Variants in DOCK1 observed in about 807,000 individuals in gnomAD.
DOCK1 encodes the protein dedicator of cytokinesis 1.
In DOCK1, 138 loss-of-function variants were observed where a neutral mutation model predicts 262.7. That is an observed-to-expected ratio of 0.53 (90% CI 0.46 to 0.61). The LOEUF (loss-of-function observed/expected upper bound fraction) is 0.61, where lower values mean the gene tolerates loss of function less well. DOCK1 is among the 20% of genes least tolerant of loss of function. The pLI, the probability that DOCK1 is intolerant of heterozygous loss-of-function variation, is 0.00. For missense variants in DOCK1, 1,908 were observed against 2,370.7 expected (o/e 0.80, Z 4.05); for synonymous variants, 866 against 867.4 (o/e 1.00, Z 0.03).
At chr10:127,007,190 G>T (rs960296234) in intron 10 of DOCK1, among the ~76,000 whole-genome samples, 3 of 152,132 alleles carry the variant, frequency 2.0e-5, no homozygotes, top group African/African-American at 7.2e-5. Context: ...GCTCTTTGAG[G>T]CCCCTTGGTT....
chr10:127,253,588 A>G (rs541539099), intron 28 of DOCK1, among the ~76,000 whole-genome samples: 5 of 152,308 alleles, frequency 3.3e-5, no homozygotes, highest in East Asian at 1.9e-4. Context: ...GAATAATACA[A>G]TGGAGCCAGG....
At chr10:127,382,102 G>A (rs995717251) in intron 37 of DOCK1, among the ~76,000 whole-genome samples, 1 of 152,068 alleles carries the variant, frequency 6.6e-6, no homozygotes, top group African/African-American at 2.4e-5. Context: ...ATTATGAACT[G>A]GATAAATAAG....
intron 27 of DOCK1, chr10:127,196,111 G>C (rs1218196197): frequency 6.6e-6 from 1 of 152,042 alleles, no homozygotes; most frequent in Non-Finnish European, 1.5e-5. Flanking sequence ...GGCATCCGCG[G>C]CCAGACTCGC....
chr10:127,243,486 C>A (rs1301594963), intron 27 of DOCK1, among the ~76,000 whole-genome samples: 4 of 152,114 alleles, frequency 2.6e-5, no homozygotes, highest in Admixed American at 2.6e-4. Context: ...TTTCCTTCTA[C>A]CCAGCCTCAG....
intron 2 of DOCK1, among the ~76,000 whole-genome samples, chr10:126,977,702 G>C (rs2038651362): frequency 6.6e-6 from 1 of 152,172 alleles, no homozygotes; most frequent in South Asian, 2.1e-4. Context: ...AACCACATGA[G>C]ATGACGGAGG....
chr10:127,020,512 A>G (rs1032456301), intron 13 of DOCK1, among the ~76,000 whole-genome samples: 1 of 151,780 alleles, frequency 6.6e-6, no homozygotes, highest in Non-Finnish European at 1.5e-5. Context: ...AGCCGTAGTG[A>G]GCCATGATCA....
At chr10:127,411,886 G>A (rs1233379931) in intron 43 of DOCK1, among the ~76,000 whole-genome samples, 1 of 152,156 alleles carries the variant, frequency 6.6e-6, no homozygotes, top group East Asian at 1.9e-4. Context: ...TCTGCCCCTT[G>A]TTGCAAACCA....
intron 27 of DOCK1, among the ~76,000 whole-genome samples, chr10:127,197,507 C>T (rs565715372): frequency 6.6e-6 from 1 of 151,312 alleles, no homozygotes; most frequent in Non-Finnish European, 1.5e-5. Flanking sequence ...GGGCTCCTGG[C>T]CCCCTGGATT....
At chr10:127,408,346 A>G (rs1462221891) in intron 40 of DOCK1, among the ~76,000 whole-genome samples, 1 of 152,184 alleles carries the variant, frequency 6.6e-6, no homozygotes, top group Non-Finnish European at 1.5e-5. Context: ...TTTTATCTTG[A>G]CATGTGTTGA....
At chr10:127,356,371 A>C (rs774962293) in intron 32 of DOCK1, among the ~76,000 whole-genome samples, 20 of 152,192 alleles carry the variant, frequency 1.3e-4, no homozygotes, top group Non-Finnish European at 2.8e-4. Context: ...GGTTGGACTG[A>C]ATTTTTCAAG....
intron 25 of DOCK1, among the ~76,000 whole-genome samples, chr10:127,116,334 T>A (rs2132949713): frequency 6.6e-6 from 1 of 152,334 alleles, no homozygotes; most frequent in East Asian, 1.9e-4. Context: ...TTCCTTATTC[T>A]TATTTTCAAG....
At chr10:127,345,937 A>G (rs1020987579) in intron 31 of DOCK1, among the ~76,000 whole-genome samples, 3 of 152,234 alleles carry the variant, frequency 2.0e-5, no homozygotes. Context: ...ACACACACAA[A>G]GCACAGTGCG....
intron 47 of DOCK1, among the ~76,000 whole-genome samples, chr10:127,428,116 G>A (rs1008377359): frequency 2.0e-5 from 3 of 152,362 alleles, no homozygotes; most frequent in East Asian, 1.9e-4. Flanking sequence ...GGCAAGAAGC[G>A]TTTCGGAGTG....
At position 126,905,513 on chromosome 10, in the gene DOCK1, G is replaced by A. The variant is rs2030556734; in HGVS notation, c.-5G>A. 2 of 533,884 alleles carry A rather than the reference G, an allele frequency of 3.7e-6. No individual in the cohort carries two copies. Among genetic ancestry groups the A allele is most frequent in the Non-Finnish European group, 6.8e-6 (2 of 292,180 alleles). 33.1% of individuals were successfully genotyped at this position (533,884 alleles called of 1,614,324 possible). ...TGCCCGACCCGCGGCGGCTCCGGCG[G>A]CGCCATGACGCGCTGGGTGCCCACC... On this transcript the variant is annotated 5_prime_UTR_variant, in exon 1 of 52. Transcript: ENST00000623213.
chr10:127,404,309 T>C lies in DOCK1; in HGVS notation c.4018-16T>C. 3 of 1,607,930 alleles carry C rather than the reference T, an allele frequency of 1.9e-6. No individual in the cohort carries two copies. Among genetic ancestry groups the C allele is most frequent in the Non-Finnish European group, 2.5e-6 (3 of 1,176,506 alleles). The stretch of plus-strand genomic sequence containing the variant: ...GAATACTCAAACCTGAAATGCATTT[T>C]CTTTTTTCCTTCCAGAAAAAACAGG... On this transcript the variant is annotated splice_polypyrimidine_tract_variant and intron_variant, in intron 39 of 51. Coordinates refer to ENST00000623213, the MANE Select transcript of DOCK1 (RefSeq NM_001290223.2).
chr10:127,068,579 C>G (rs769170464), intron 23 of DOCK1, among the ~76,000 whole-genome samples: 2 of 152,156 alleles, frequency 1.3e-5, no homozygotes, highest in Non-Finnish European at 2.9e-5. Context: ...AATATGTGAT[C>G]TGGTTAGAAA....
intron 29 of DOCK1, among the ~76,000 whole-genome samples, chr10:127,280,248 A>T (rs1294024441): frequency 1.3e-5 from 2 of 151,426 alleles, no homozygotes; most frequent in Non-Finnish European, 2.9e-5. Context: ...TTTAGCCGGG[A>T]TGGTCTCCAT....
intron 29 of DOCK1, among the ~76,000 whole-genome samples, chr10:127,258,684 G>C (rs531725555): frequency 6.6e-6 from 1 of 152,218 alleles, no homozygotes; most frequent in East Asian, 1.9e-4. Flanking sequence ...GGCTTGTTGG[G>C]TAATTGCACA....
At chr10:126,996,414 A>C (rs2040197957) in intron 6 of DOCK1, among the ~76,000 whole-genome samples, 1 of 150,782 alleles carries the variant, frequency 6.6e-6, no homozygotes, top group Admixed American at 6.6e-5. Flanking sequence ...GTATGCCTTA[A>C]AACTTTTCAT....
Sources: allele counts gnomAD v4.1 joint callset (sites outside exome capture counted in the v4.1 genomes callset), GRCh38; gene constraint gnomAD v4.1.1; transcripts MANE v1.5; gene names NCBI Gene and HGNC (gene_info 2026-07-23, HGNC 2026-07-21).